PLEKHS1: variants seen among roughly 807,000 people sequenced by gnomAD.
PLEKHS1 encodes the protein pleckstrin homology domain containing S1, also known as pleckstrin homology domain-containing family S member 1.
Under a neutral mutation model 51.0 loss-of-function variants are expected in PLEKHS1, and 55 were observed. The ratio of observed to expected loss-of-function variants is 1.08; its 90% CI spans 0.87 to 1.35. The LOEUF (loss-of-function observed/expected upper bound fraction) is 1.35, where lower values mean the gene tolerates loss of function less well. Among genes scored for constraint, PLEKHS1 ranks in the 40% most tolerant of loss-of-function variants. PLEKHS1 has a pLI of 0.00. For missense variants in PLEKHS1, 398 were observed against 423.0 expected (o/e 0.94, Z 0.52); for synonymous variants, 153 against 144.8 (o/e 1.06, Z -0.41).
Position 113,780,591 on chromosome 10 carries a change from T to A in PLEKHS1, c.*-11T>A. The A allele has an allele frequency of 6.2e-7, 1 of 1,610,026 alleles. No individual in the cohort carries two copies. The highest frequency in any genetic ancestry group is 1.3e-5 in the African/African-American group (1 of 74,980). On this transcript the variant is annotated splice_polypyrimidine_tract_variant and intron_variant, in intron 11 of 11. Transcript: ENST00000361048. ...TTTAGCCATTTAACTTTCTTCTTTC[T>A]TGTGTTTTAGAAATTAAAGCTTACC...
At chr10:113,777,536 T>G in intron 11 of PLEKHS1, 1 of 1,553,362 alleles carries the variant, frequency 6.4e-7, no homozygotes, top group African/African-American at 1.4e-5. Flanking sequence ...GGAATCAGAC[T>G]GGTGCAGGGA....
chr10:113,770,393 A>G (rs1395671148), intron 7 of PLEKHS1, among the ~76,000 whole-genome samples: 2 of 152,238 alleles, frequency 1.3e-5, no homozygotes, highest in African/African-American at 4.8e-5. Context: ...CCATTTGAAG[A>G]CATAAAATAT....
intron 7 of PLEKHS1, among the ~76,000 whole-genome samples, chr10:113,770,896 T>C (rs1465115181): frequency 6.6e-6 from 1 of 152,230 alleles, no homozygotes; most frequent in Non-Finnish European, 1.5e-5. Context: ...GGTGGTGTTG[T>C]TGTTGGTTAA....
chr10:113,762,364 C>CTTTTTTTTTTTTTTTTTTTTT (rs1564818413), intron 2 of PLEKHS1, among the ~76,000 whole-genome samples: 1 of 75,744 alleles, frequency 1.3e-5, no homozygotes, highest in African/African-American at 3.9e-5. Context: ...TAGATTTGTT[C>CTTTTTTTTTTTTTTTTTTTTT]CTTTTTTTTT....
Position 113,760,679 on chromosome 10 carries a change from T to C in PLEKHS1, c.28+5374T>C, listed in dbSNP as rs996193372. On this transcript the variant is annotated intron_variant, in intron 2 of 11. Coordinates refer to ENST00000361048, the Ensembl canonical transcript of PLEKHS1. ...GAGTTGTTTGTCTTTTTGTGTTGCA[T>C]TGTAAGAGTTCTTTATATATTCTGG... Among the ~76,000 whole-genome samples the C allele has an allele frequency of 3.9e-5, 6 of 152,312 alleles. No individual in the cohort carries two copies. The South Asian group carries it at 1.0e-3, about 26-fold the overall frequency.
chr10:113,772,702 G>T (rs867466364), intron 8 of PLEKHS1, among the ~76,000 whole-genome samples: 1 of 152,204 alleles, frequency 6.6e-6, no homozygotes, highest in African/African-American at 2.4e-5. Context: ...AAAAAGAACA[G>T]ATTTTCTCTA....
chr10:113,752,064 T>C (rs1317115070), intron 1 of PLEKHS1, among the ~76,000 whole-genome samples: 3 of 152,172 alleles, frequency 2.0e-5, no homozygotes, highest in Non-Finnish European at 4.4e-5. Context: ...GGCTTTCTTT[T>C]TTGTTTGGGG....
intron 2 of PLEKHS1, among the ~76,000 whole-genome samples, chr10:113,757,182 G>C (rs1854161737): frequency 6.6e-6 from 1 of 152,056 alleles, no homozygotes; most frequent in Non-Finnish European, 1.5e-5. Context: ...CAAAGTGCTG[G>C]GATTACAGGC....
chr10:113,765,126 G>A (rs911779895), intron 2 of PLEKHS1: 3 of 394,856 alleles, frequency 7.6e-6, no homozygotes, highest in Non-Finnish European at 1.4e-5. Flanking sequence ...TTGATTGACT[G>A]CCAAACATCG....
intron 11 of PLEKHS1, 77 bp from the exon 13 acceptor site, chr10:113,780,525 G>A: frequency 7.3e-7 from 1 of 1,366,974 alleles, no homozygotes; most frequent in Non-Finnish European, 1.0e-6. Flanking sequence ...CCAAGGGTAT[G>A]AATGAGGACA....
exon 10 of PLEKHS1, chr10:113,775,033 C>T: frequency 6.2e-7 from 1 of 1,613,590 alleles, no homozygotes; most frequent in South Asian, 1.1e-5. Context: ...CTATATTAAT[C>T]AAGTAAAGCT....
chr10:113,773,412 G>A (rs1166856729), intron 8 of PLEKHS1, among the ~76,000 whole-genome samples: 1 of 146,696 alleles, frequency 6.8e-6, no homozygotes, highest in African/African-American at 2.7e-5. Context: ...AGACAAAACA[G>A]CTAAAAAGAC....
chr10:113,767,714 G>A (rs1844227943), intron 5 of PLEKHS1, among the ~76,000 whole-genome samples: 1 of 152,064 alleles, frequency 6.6e-6, no homozygotes, highest in Admixed American at 6.6e-5. Context: ...GAAATTTATT[G>A]TCTCACTGTT....
chr10:113,755,933 G>A (rs148376009), intron 2 of PLEKHS1, among the ~76,000 whole-genome samples: 16 of 152,266 alleles, frequency 1.1e-4, no homozygotes, highest in Middle Eastern at 3.4e-3. Context: ...TTAATTTTAC[G>A]TGAAACTCAC....
At chr10:113,776,009 A>C (rs1844637955) in intron 11 of PLEKHS1, 143 bp downstream of exon 11, 1 of 548,256 alleles carries the variant, frequency 1.8e-6, no homozygotes, top group Non-Finnish European at 3.0e-6. Context: ...CTGTTGTTAC[A>C]AAAAAATCTT....
rs1001957662 is a variant in PLEKHS1, at chr10:113,771,172, A to G, written c.553-798A>G. On this transcript the variant is annotated intron_variant, in intron 7 of 11. Coordinates refer to ENST00000361048, the Ensembl canonical transcript of PLEKHS1. ...TTGAATCTAGATCACCTGGAAACCC[A>G]TAATTCATACTATCATATGATCAAC... 4 of 152,390 alleles carry G rather than the reference A, an allele frequency of 2.6e-5. No homozygotes were observed. In the South Asian group the frequency reaches 8.3e-4, roughly 32 times the overall value. The allele number at this position is 152,390 out of a possible 1,614,324, so 9.4% of individuals were successfully genotyped here.
At chr10:113,780,989 A>G (rs966292548) in exon 12 of PLEKHS1, 7 of 571,380 alleles carry the variant, frequency 1.2e-5, no homozygotes, top group Non-Finnish European at 1.8e-5. Context: ...AACCTGGGGG[A>G]ATTGGAAGGC....
At position 113,775,850 on chromosome 10, in the gene PLEKHS1, G is replaced by GCACATCAGCTTCTAAGACTT; in HGVS notation, c.1076_1077insACATCAGCTTCTAAGACTTC (p.Thr360HisfsTer47). The GCACATCAGCTTCTAAGACTT allele has an allele frequency of 6.2e-7, 1 of 1,610,838 alleles. No individual in the cohort carries two copies. Among genetic ancestry groups the GCACATCAGCTTCTAAGACTT allele is most frequent in the Middle Eastern group, 1.7e-4 (1 of 6,052 alleles). On this transcript the variant is annotated frameshift_variant, in exon 11 of 12. Transcript: ENST00000361048. LOFTEE classifies it high-confidence loss of function. Reference sequence around the variant, plus strand: ...CATCAACTATCTTGCTCTCACAGAAGCCACAGGACGGATATGGTAGGTTGG... The same window carrying GCACATCAGCTTCTAAGACTT: ...CATCAACTATCTTGCTCTCACAGAAGCACATCAGCTTCTAAGACTTCCACAGGACGGATATGGTAGGTTGG...
intron 1 of PLEKHS1, among the ~76,000 whole-genome samples, chr10:113,753,355 A>AT (rs1853938831): frequency 6.6e-6 from 1 of 152,170 alleles, no homozygotes; most frequent in Admixed American, 6.5e-5. Flanking sequence ...CTCAGGGATA[A>AT]TTTTTTAAAT....
Sources: gnomAD v4.1 joint callset for allele counts (sites outside exome capture counted in the v4.1 genomes callset) on GRCh38, gnomAD v4.1.1 for gene constraint, MANE v1.5 for transcripts, NCBI Gene and HGNC (gene_info 2026-07-23, HGNC 2026-07-21) for gene names.